ARHGAP28: variants seen among roughly 807,000 people sequenced by gnomAD.
The protein encoded by ARHGAP28 is Rho GTPase activating protein 28.
In ARHGAP28, 56 loss-of-function variants were observed where a neutral mutation model predicts 90.7. The observed-to-expected ratio is 0.62, with a 90% CI of 0.50 to 0.77. ARHGAP28 has a LOEUF of 0.77. ARHGAP28 is among the 30% of genes least tolerant of loss of function. ARHGAP28 has a pLI of 0.00. For missense variants in ARHGAP28, 869 were observed against 900.9 expected (o/e 0.96, Z 0.45); for synonymous variants, 308 against 323.3 (o/e 0.95, Z 0.51).
chr18:6,886,446 T>C (rs1225132601), intron 11 of ARHGAP28, among the ~76,000 whole-genome samples: 1 of 152,188 alleles, frequency 6.6e-6, no homozygotes, highest in Non-Finnish European at 1.5e-5. Context: ...GTGTCATTAC[T>C]GAGGAAGAAA....
rs180858310 is a variant in ARHGAP28, at chr18:6,777,456, C to T, written c.123-47306C>T. Among the ~76,000 whole-genome samples the T allele has an allele frequency of 7.6e-4, 116 of 152,260 alleles. 1 individual carries two copies. The highest frequency in any genetic ancestry group is 2.7e-3 in the African/African-American group (113 of 41,550). On this transcript the variant is annotated intron_variant, in intron 1 of 17. Transcript: ENST00000383472. ...AGATTTGCGAGGCTGGGCGTGGTGGCTCACACCTGCAATCCCAGCACTTTG... is the reference window on the plus strand; with the variant it reads ...AGATTTGCGAGGCTGGGCGTGGTGGTTCACACCTGCAATCCCAGCACTTTG...
intron 1 of ARHGAP28, among the ~76,000 whole-genome samples, chr18:6,734,664 C>G (rs952324255): frequency 6.6e-6 from 1 of 152,104 alleles, no homozygotes; most frequent in Non-Finnish European, 1.5e-5. Flanking sequence ...CTTTCCTGGA[C>G]TGAAATTAAT....
At chr18:6,804,355 T>C (rs2056503671) in intron 1 of ARHGAP28, among the ~76,000 whole-genome samples, 1 of 152,212 alleles carries the variant, frequency 6.6e-6, no homozygotes, top group African/African-American at 2.4e-5. Context: ...GGATAAAGGT[T>C]TATTAATTGT....
chr18:6,878,344 G>T (rs2057149641), intron 10 of ARHGAP28, among the ~76,000 whole-genome samples: 1 of 123,352 alleles, frequency 8.1e-6, no homozygotes, highest in South Asian at 3.0e-4. Context: ...GGGGACTGTT[G>T]TGGGGTGGGG....
chr18:6,758,872 G>A lies in ARHGAP28; in HGVS notation c.122+28929G>A, dbSNP rs143416641. The stretch of plus-strand genomic sequence containing the variant: ...ATCAGGAAATAGTGATTTATTTATT[G>A]TAAGAGTCAGGAATGGCATAGTACT... On this transcript the variant is annotated intron_variant, in intron 1 of 17. Coordinates refer to ENST00000383472, the MANE Select transcript of ARHGAP28 (RefSeq NM_001366230.1). Among the ~76,000 whole-genome samples the A allele has an allele frequency of 7.8e-4, 119 of 152,284 alleles. 3 individuals are homozygous for A. The highest frequency in any genetic ancestry group is 2.8e-3 in the African/African-American group (116 of 41,554).
chr18:6,830,940 T>G (rs2056710437), intron 2 of ARHGAP28, among the ~76,000 whole-genome samples: 1 of 152,116 alleles, frequency 6.6e-6, no homozygotes, highest in East Asian at 1.9e-4. Context: ...TATAGATATG[T>G]TTTTATTTCT....
At chr18:6,743,129 G>A (rs2055993750) in intron 1 of ARHGAP28, among the ~76,000 whole-genome samples, 1 of 152,074 alleles carries the variant, frequency 6.6e-6, no homozygotes, top group South Asian at 2.1e-4. Flanking sequence ...AGAGAAGAGG[G>A]AGACCGACGA....
At chr18:6,887,340 A>G (rs1174616077) in intron 12 of ARHGAP28, 101 bp downstream of exon 12, 5 of 1,038,164 alleles carry the variant, frequency 4.8e-6, no homozygotes, top group Non-Finnish European at 5.8e-6. Context: ...TCACTGAGCC[A>G]CCTGAGCATG....
At chr18:6,872,427 A>G (rs2057097211) in intron 7 of ARHGAP28, among the ~76,000 whole-genome samples, 1 of 152,252 alleles carries the variant, frequency 6.6e-6, no homozygotes, top group African/African-American at 2.4e-5. Flanking sequence ...AGGAGCAATT[A>G]TTGAATGAAT....
intron 11 of ARHGAP28, among the ~76,000 whole-genome samples, chr18:6,883,739 C>G (rs1244753835): frequency 6.6e-6 from 1 of 152,086 alleles, no homozygotes; most frequent in Non-Finnish European, 1.5e-5. Flanking sequence ...TTAACTAAAC[C>G]AGATTCATAA....
intron 1 of ARHGAP28, among the ~76,000 whole-genome samples, chr18:6,759,619 A>G (rs2143320091): frequency 6.6e-6 from 1 of 152,380 alleles, no homozygotes; most frequent in South Asian, 2.1e-4. Flanking sequence ...GAGTGAAGAA[A>G]TTGAAATCTA....
intron 5 of ARHGAP28, among the ~76,000 whole-genome samples, chr18:6,863,612 T>A (rs2057014570): frequency 6.6e-6 from 1 of 151,884 alleles, no homozygotes; most frequent in Admixed American, 6.6e-5. Flanking sequence ...TACAAATATG[T>A]TGAAAACTCT....
chr18:6,847,105 C>T (rs1158617428), intron 3 of ARHGAP28, among the ~76,000 whole-genome samples: 1 of 152,088 alleles, frequency 6.6e-6, no homozygotes, highest in African/African-American at 2.4e-5. Context: ...TGAAATACTA[C>T]TCAGAGATAC....
At chr18:6,847,743 C>T (rs2056877640) in intron 3 of ARHGAP28, among the ~76,000 whole-genome samples, 1 of 151,934 alleles carries the variant, frequency 6.6e-6, no homozygotes, top group Non-Finnish European at 1.5e-5. Flanking sequence ...CTGGTTTGCC[C>T]ATGGGTGAGG....
At chr18:6,886,108 C>G (rs2057219098) in intron 11 of ARHGAP28, among the ~76,000 whole-genome samples, 1 of 152,172 alleles carries the variant, frequency 6.6e-6, no homozygotes, top group Non-Finnish European at 1.5e-5. Context: ...CTCCTGAACT[C>G]TAGCACGCAC....
Position 6,896,616 on chromosome 18 carries a change from T to C in ARHGAP28, c.2020T>C (p.Tyr674His). The C allele has an allele frequency of 6.2e-7, 1 of 1,614,010 alleles. No homozygotes were observed. Among genetic ancestry groups the C allele is most frequent in the Non-Finnish European group, 8.5e-7 (1 of 1,179,982 alleles). Residue 674 changes from tyrosine (Y) to histidine (H), a missense_variant, in exon 16 of 18, where the codon TAT becomes CAT. Physicochemically the swap from Tyr to His is moderately conservative, Grantham distance 83. Transcript: ENST00000383472. ...KAKDILAKFQ[Y>H]ENSHGSSECI... ...CAAAGACATATTGGCAAAATTTCAA[T>C]ATGAAAACAGGTGAGTCAATGTGAA...
chr18:6,811,635 T>A (rs572501623), intron 1 of ARHGAP28, among the ~76,000 whole-genome samples: 38 of 152,290 alleles, frequency 2.5e-4, no homozygotes, highest in Non-Finnish European at 4.9e-4. Flanking sequence ...ACCTTCCTTC[T>A]AGAGTTTTTA....
intron 1 of ARHGAP28, among the ~76,000 whole-genome samples, chr18:6,815,350 GC>G (rs1203269106): frequency 6.6e-6 from 1 of 152,094 alleles, no homozygotes; most frequent in Non-Finnish European, 1.5e-5. Context: ...CTCAACCCAT[GC>G]CCCTTTGGGA....
chr18:6,878,721 G>A (rs1430329074), intron 10 of ARHGAP28, among the ~76,000 whole-genome samples: 2 of 152,224 alleles, frequency 1.3e-5, no homozygotes, highest in South Asian at 2.1e-4. Flanking sequence ...TCACTTATTA[G>A]TGGAAAATGT....
Sources: gnomAD v4.1 joint callset for allele counts (sites outside exome capture counted in the v4.1 genomes callset) on GRCh38, gnomAD v4.1.1 for gene constraint, MANE v1.5 for transcripts, NCBI Gene and HGNC (gene_info 2026-07-23, HGNC 2026-07-21) for gene names.